SYT1: variants seen among roughly 807,000 people sequenced by gnomAD.
SYT1 encodes synaptotagmin-1.
Under a neutral mutation model 44.8 loss-of-function variants are expected in SYT1, and 8 were observed. The ratio of observed to expected loss-of-function variants is 0.18; its 90% confidence interval spans 0.10 to 0.32. The LOEUF (loss-of-function observed/expected upper bound fraction) is 0.32, where lower values mean the gene tolerates loss of function less well. Ranked by LOEUF, SYT1 falls within the 10% of genes least tolerant of loss-of-function variation. The probability of loss-of-function intolerance (pLI) is 1.00; values close to 1 mark genes in which losing one functional copy is unlikely to be tolerated. For missense variants in SYT1, 286 were observed against 509.3 expected, an observed-to-expected ratio of 0.56 and a Z score of 4.22; for synonymous variants, 154 against 188.8, an observed-to-expected ratio of 0.82 and a Z score of 1.51.
intron 2 of SYT1, among the ~76,000 whole-genome samples, chr12:79,004,152 T>G (rs1308328437): frequency 1.3e-5 from 2 of 151,978 alleles, no homozygotes; most frequent in Non-Finnish European, 2.9e-5. Context: ...CACTGAAATT[T>G]TATTCGATTT....
At chr12:79,252,674 A>C (rs1237615948) in intron 4 of SYT1, among the ~76,000 whole-genome samples, 1 of 152,210 alleles carries the variant, frequency 6.6e-6, no homozygotes, top group Non-Finnish European at 1.5e-5. Context: ...TGCAATAAAC[A>C]GAAGTTCTAC....
At chr12:79,091,549 A>G (rs1005490113) in intron 3 of SYT1, among the ~76,000 whole-genome samples, 1 of 151,998 alleles carries the variant, frequency 6.6e-6, no homozygotes, top group Non-Finnish European at 1.5e-5. Context: ...TGTTATTGTG[A>G]TTTATCTGGA....
At chr12:79,108,259 A>G (rs983794731) in intron 3 of SYT1, among the ~76,000 whole-genome samples, 2 of 151,824 alleles carry the variant, frequency 1.3e-5, no homozygotes, top group Non-Finnish European at 2.9e-5. Context: ...TTCTGACTGT[A>G]TTTTTTTAAA....
In SYT1 at chr12:79,145,760, TGTTTG is replaced by T. The variant is rs1565825896; in HGVS notation, c.-17-71742_-17-71738del. 2.3e-3 allele frequency among the ~76,000 whole-genome samples: 336 copies of T among 147,692 alleles called. 3 individuals are homozygous for T. Among genetic ancestry groups the T allele is most frequent in the African/African-American group, 8.8e-3 (331 of 37,756 alleles). On this transcript the variant is annotated intron_variant, in intron 3 of 10. Transcript: ENST00000261205. ...TGGTTTTTTTTTTTTTTTGTTTGTT[TGTTTG>T]TTTGTTTTTTGAGACGGAGTCTCGC...
At chr12:79,299,947 A>G (rs1335694126) in intron 8 of SYT1, among the ~76,000 whole-genome samples, 2 of 152,188 alleles carry the variant, frequency 1.3e-5, no homozygotes, top group African/African-American at 2.4e-5. Context: ...TGTAGCTATT[A>G]CACAGAAATA....
At chr12:78,886,544 A>G (rs1322869909) in intron 1 of SYT1, among the ~76,000 whole-genome samples, 1 of 152,014 alleles carries the variant, frequency 6.6e-6, no homozygotes, top group East Asian at 1.9e-4. Context: ...CAACAAATTT[A>G]GAATTAAAAG....
At chr12:78,918,179 AATAAGTAG>A (rs1269233820) in intron 1 of SYT1, among the ~76,000 whole-genome samples, 1 of 152,082 alleles carries the variant, frequency 6.6e-6, no homozygotes, top group African/African-American at 2.4e-5. Context: ...TTTTATTGTA[AATAAGTAG>A]ATAACTTTTC....
At chr12:79,247,250 T>C (rs1333027163) in intron 4 of SYT1, among the ~76,000 whole-genome samples, 5 of 152,172 alleles carry the variant, frequency 3.3e-5, no homozygotes, top group Non-Finnish European at 7.3e-5. Context: ...TTCTCACCTG[T>C]ATAGAAAATG....
At chr12:79,038,456 T>C (rs1332795122) in intron 2 of SYT1, among the ~76,000 whole-genome samples, 1 of 151,848 alleles carries the variant, frequency 6.6e-6, no homozygotes, top group Non-Finnish European at 1.5e-5. Context: ...TTGAAAAGCT[T>C]ACATTAACAA....
Position 79,253,483 on chromosome 12 carries a change from GTCTCTCTCTCTCTCTC to G in SYT1, c.167-32277_167-32262del, listed in dbSNP as rs60179268. The stretch of plus-strand genomic sequence containing the variant: ...CTGTTCCACCAAAAGCCATTGCCCA[GTCTCTCTCTCTCTCTC>G]TCTCTCTCTCTCTCTCTCTCTCTCT... On this transcript the variant is annotated intron_variant, in intron 4 of 10. Transcript: ENST00000261205. Among the ~76,000 whole-genome samples the G allele has an allele frequency of 8.0e-4, 103 of 129,490 alleles. 2 individuals carry two copies. In the East Asian group the frequency reaches 0.012, roughly 15 times the overall value. The allele number at this position is 129,490 out of a possible 152,430, so 85.0% of individuals were successfully genotyped here.
intron 9 of SYT1, among the ~76,000 whole-genome samples, chr12:79,362,860 T>A (rs1054436678): frequency 1.3e-5 from 2 of 152,228 alleles, no homozygotes; most frequent in African/African-American, 4.8e-5. Flanking sequence ...TTTTCTTTAC[T>A]ACTTTACATT....
chr12:79,217,820 C>A, intron 4 of SYT1, 135 bp downstream of exon 4: 1 of 581,174 alleles, frequency 1.7e-6, no homozygotes, highest in Non-Finnish European at 2.6e-6. Context: ...GATAGTATCC[C>A]AATATAAAAT....
At chr12:79,269,497 A>G (rs1878307857) in intron 4 of SYT1, among the ~76,000 whole-genome samples, 1 of 152,112 alleles carries the variant, frequency 6.6e-6, no homozygotes, top group African/African-American at 2.4e-5. Context: ...TATAGTTTAA[A>G]CACACAGCAG....
chr12:79,424,325 GCT>G lies in SYT1; in HGVS notation c.929-19745_929-19744del, dbSNP rs1869304138. On this transcript the variant is annotated intron_variant, in intron 9 of 10. Coordinates refer to ENST00000261205, the MANE Select transcript of SYT1 (RefSeq NM_005639.3). Reference sequence around the variant, plus strand: ...AGAGAGAGCCTTTCAAATGAATCATGCTCTTTCTCTGAAAGTGCCTTTACAAA... The same window carrying G: ...AGAGAGAGCCTTTCAAATGAATCATGCTTTCTCTGAAAGTGCCTTTACAAA... Among the ~76,000 whole-genome samples, 5 of 152,182 alleles carry G rather than the reference GCT, an allele frequency of 3.3e-5. No individual in the cohort carries two copies. The South Asian group carries it at 1.0e-3, about 32-fold the overall frequency.
chr12:79,060,488 C>T (rs1875299998), intron 3 of SYT1, among the ~76,000 whole-genome samples: 1 of 152,008 alleles, frequency 6.6e-6, no homozygotes, highest in Non-Finnish European at 1.5e-5. Flanking sequence ...ATTCCCCCTC[C>T]CTGCAGCCCC....
chr12:79,027,861 T>C (rs1424510859), intron 2 of SYT1, among the ~76,000 whole-genome samples: 1 of 151,516 alleles, frequency 6.6e-6, no homozygotes, highest in Non-Finnish European at 1.5e-5. Flanking sequence ...AGTATAGCCA[T>C]AGACTTCACA....
rs367868393 is a variant in SYT1 at position 78,904,447 on chromosome 12, A to G, written c.-217+39338A>G. Among the ~76,000 whole-genome samples, 7 of 152,302 alleles carry G rather than the reference A, an allele frequency of 4.6e-5. No homozygotes were observed. In the East Asian group the frequency reaches 7.7e-4, roughly 17 times the overall value. On this transcript the variant is annotated intron_variant, in intron 1 of 10. Transcript: ENST00000261205. ...AAATAATGTACTGGATCTTTGGAGA[A>G]CATGGATGTATAAAACATCATAACC...
At chr12:79,180,580 A>G (rs1872471899) in intron 3 of SYT1, among the ~76,000 whole-genome samples, 1 of 152,040 alleles carries the variant, frequency 6.6e-6, no homozygotes, top group Non-Finnish European at 1.5e-5. Flanking sequence ...GGCCTCAGGA[A>G]ACTTATAATC....
At chr12:79,041,583 G>C (rs1188397196) in intron 2 of SYT1, among the ~76,000 whole-genome samples, 3 of 152,134 alleles carry the variant, frequency 2.0e-5, no homozygotes, top group African/African-American at 7.2e-5. Flanking sequence ...GGGACAGTTT[G>C]ACTTCTTATT....
Sources: allele counts gnomAD v4.1 joint callset (sites outside exome capture counted in the v4.1 genomes callset), GRCh38; gene constraint gnomAD v4.1.1; transcripts MANE v1.5; gene names NCBI Gene and HGNC (gene_info 2026-07-23, HGNC 2026-07-21).